The following APBA2 variants were observed in gnomAD, a reference collection of about 807,000 sequenced individuals.
APBA2 encodes amyloid beta precursor protein binding family A member 2, also known as amyloid-beta A4 precursor protein-binding family A member 2.
Under a neutral mutation model 75.0 loss-of-function variants are expected in APBA2, and 30 were observed. That is an observed-to-expected ratio of 0.40 (90% CI 0.30 to 0.54). APBA2 has a LOEUF of 0.54. Among genes scored for constraint, APBA2 ranks in the 20% least tolerant of loss-of-function variants. The pLI, the probability that APBA2 is intolerant of heterozygous loss-of-function variation, is 0.49. For missense variants in APBA2, 801 were observed against 1,016.1 expected, an observed-to-expected ratio of 0.79 and a Z score of 2.88; for synonymous variants, 444 against 409.6, an observed-to-expected ratio of 1.08 and a Z score of -1.01.
At chr15:29,090,542 A>G (rs1323221755) in intron 6 of APBA2, among the ~76,000 whole-genome samples, 2 of 152,190 alleles carry the variant, frequency 1.3e-5, no homozygotes, top group South Asian at 2.1e-4. Context: ...CTGGCCTCCC[A>G]GCCTCCCCAG....
intron 1 of APBA2, among the ~76,000 whole-genome samples, chr15:28,903,986 CTG>C (rs1479292552): frequency 2.0e-5 from 3 of 152,214 alleles, no homozygotes; most frequent in Admixed American, 1.3e-4. Context: ...CCATATGAAA[CTG>C]TTATTTCTGT....
At chr15:28,956,007 C>A (rs2036149604) in intron 2 of APBA2, among the ~76,000 whole-genome samples, 1 of 152,214 alleles carries the variant, frequency 6.6e-6, no homozygotes. Flanking sequence ...TTGGAACCTG[C>A]ATGTTAACGA....
chr15:29,003,667 T>C (rs6495913), intron 3 of APBA2, among the ~76,000 whole-genome samples: 54,354 of 152,118 alleles, frequency 0.36, 16,857 homozygotes, highest in African/African-American at 0.81. Flanking sequence ...TCTGCACACG[T>C]GGTTTTGGGA....
At chr15:29,010,586 G>T (rs1386938355) in intron 3 of APBA2, among the ~76,000 whole-genome samples, 1 of 152,112 alleles carries the variant, frequency 6.6e-6, no homozygotes, top group Non-Finnish European at 1.5e-5. Context: ...TAGTACCTGA[G>T]ACCTTTGCTA....
At chr15:28,916,909 A>G in intron 1 of APBA2, among the ~76,000 whole-genome samples, 1 of 152,208 alleles carries the variant, frequency 6.6e-6, no homozygotes. Flanking sequence ...CCTCCTGGAA[A>G]TGGAATTTTT....
chr15:28,989,980 G>C (rs1439712598), intron 2 of APBA2, among the ~76,000 whole-genome samples: 12 of 152,144 alleles, frequency 7.9e-5, no homozygotes, highest in Admixed American at 7.9e-4. Context: ...GTTTAGTATC[G>C]AGAATCACTG....
In APBA2 at chr15:29,088,879, A is replaced by G. The variant is rs527932333; in HGVS notation, c.1070-4196A>G. Among the ~76,000 whole-genome samples, 6 of 152,238 alleles carry G rather than the reference A, an allele frequency of 3.9e-5. No homozygotes were observed. In the East Asian group the frequency reaches 1.2e-3, roughly 29 times the overall value. On this transcript the variant is annotated intron_variant, in intron 6 of 14. Coordinates refer to ENST00000683413, the MANE Select transcript of APBA2 (RefSeq NM_001353788.2). ...TAGGCCTCGGCAGTCCAGACATCCT[A>G]TAGATCTTCTAAGGTGTCATTGTCT...
At chr15:29,113,029 C>T (rs2044822808) in intron 13 of APBA2, among the ~76,000 whole-genome samples, 1 of 152,190 alleles carries the variant, frequency 6.6e-6, no homozygotes, top group African/African-American at 2.4e-5. Context: ...ACACTTCAGA[C>T]TCTCCCTCCT....
chr15:29,071,365 G>T (rs1225826550), intron 4 of APBA2, among the ~76,000 whole-genome samples: 1 of 151,800 alleles, frequency 6.6e-6, no homozygotes, highest in African/African-American at 2.4e-5. Flanking sequence ...TTAATTTTCT[G>T]TCCTCAGAGC....
chr15:29,048,070 G>A (rs191175054), intron 3 of APBA2, among the ~76,000 whole-genome samples: 10 of 152,224 alleles, frequency 6.6e-5, no homozygotes, highest in Admixed American at 3.9e-4. Flanking sequence ...TTCTGAGGCC[G>A]GGGCACGGTG....
intron 2 of APBA2, among the ~76,000 whole-genome samples, chr15:28,993,753 G>C (rs2038361267): frequency 6.6e-6 from 1 of 152,212 alleles, no homozygotes; most frequent in Admixed American, 6.5e-5. Flanking sequence ...GAGACTCGCA[G>C]ACTCTGGGAA....
intron 4 of APBA2, among the ~76,000 whole-genome samples, chr15:29,071,283 A>G (rs1029036323): frequency 2.6e-5 from 4 of 152,118 alleles, no homozygotes. Context: ...TTTTATTACA[A>G]GCATTTATCT....
intron 2 of APBA2, among the ~76,000 whole-genome samples, chr15:28,941,574 A>G (rs2035229200): frequency 6.6e-6 from 1 of 150,430 alleles, no homozygotes; most frequent in East Asian, 2.0e-4. Context: ...AGGCACACAT[A>G]GTGTGTGTGT....
chr15:29,076,049 T>C lies in APBA2; in HGVS notation c.1033-6T>C. ...ATGTGTTTTATTTTTCCATATTTCC[T>C]AACAGACAAAGAAGGTGGCATCATT... On this transcript the variant is annotated splice_region_variant and splice_polypyrimidine_tract_variant and intron_variant, in intron 5 of 14. Coordinates refer to ENST00000683413, the MANE Select transcript of APBA2 (RefSeq NM_001353788.2). 2 of 1,614,008 alleles carry C rather than the reference T, an allele frequency of 1.2e-6. No individual in the cohort carries two copies. Among genetic ancestry groups the C allele is most frequent in the Non-Finnish European group, 8.5e-7 (1 of 1,179,832 alleles).
chr15:28,973,321 TG>T (rs2037169124), intron 2 of APBA2, among the ~76,000 whole-genome samples: 1 of 152,240 alleles, frequency 6.6e-6, no homozygotes, highest in Non-Finnish European at 1.5e-5. Flanking sequence ...TGGATATTTT[TG>T]TTTGATTGGT....
chr15:29,112,460 G>A (rs1444521615), intron 13 of APBA2, among the ~76,000 whole-genome samples: 26 of 152,204 alleles, frequency 1.7e-4, no homozygotes, highest in Admixed American at 1.7e-3. Flanking sequence ...GCATGTGTGT[G>A]TACACGCATG....
At chr15:29,094,691 G>T (rs1464539351) in intron 8 of APBA2, among the ~76,000 whole-genome samples, 1 of 152,232 alleles carries the variant, frequency 6.6e-6, no homozygotes, top group Non-Finnish European at 1.5e-5. Flanking sequence ...GATAGTTAAA[G>T]ATTCCTTAAG....
At chr15:29,033,685 G>A (rs1057359720) in intron 3 of APBA2, among the ~76,000 whole-genome samples, 1 of 152,156 alleles carries the variant, frequency 6.6e-6, no homozygotes, top group African/African-American at 2.4e-5. Context: ...ACCTGGCTGG[G>A]CGCGGTGGCT....
intron 10 of APBA2, among the ~76,000 whole-genome samples, chr15:29,103,770 G>C (rs995881131): frequency 1.2e-4 from 19 of 152,252 alleles, no homozygotes; most frequent in African/African-American, 4.3e-4. Context: ...GTCCTTCCCA[G>C]CCAGGTGGCC....
Sources: allele counts gnomAD v4.1 joint callset (sites outside exome capture counted in the v4.1 genomes callset), GRCh38; gene constraint gnomAD v4.1.1; transcripts MANE v1.5; gene names NCBI Gene and HGNC (gene_info 2026-07-23, HGNC 2026-07-21).